Variants in VPS54 observed in about 807,000 individuals in gnomAD.
VPS54 encodes the protein VPS54 subunit of GARP complex, also known as vacuolar protein sorting-associated protein 54.
In VPS54, 45 loss-of-function variants were observed where a neutral mutation model predicts 121.5. The observed-to-expected ratio is 0.37, with a 90% CI of 0.29 to 0.47. The LOEUF (loss-of-function observed/expected upper bound fraction) is 0.47, where lower values mean the gene tolerates loss of function less well. VPS54 is among the 20% of genes least tolerant of loss of function. The probability of loss-of-function intolerance (pLI) is 0.99; values close to 1 mark genes in which losing one functional copy is unlikely to be tolerated. For missense variants in VPS54, 1,090 were observed against 1,131.4 expected, an observed-to-expected ratio of 0.96 and a Z score of 0.52; for synonymous variants, 371 against 385.8, an observed-to-expected ratio of 0.96 and a Z score of 0.45.
chr2:63,999,168 T>G (rs1482443377), intron 1 of VPS54, among the ~76,000 whole-genome samples: 1 of 152,150 alleles, frequency 6.6e-6, no homozygotes, highest in Non-Finnish European at 1.5e-5. Context: ...CAGGCTAGTC[T>G]TCAACTCCTG....
At chr2:63,976,090 T>A (rs185626840) in intron 3 of VPS54, among the ~76,000 whole-genome samples, 14 of 152,234 alleles carry the variant, frequency 9.2e-5, no homozygotes, top group East Asian at 1.9e-4. Flanking sequence ...GTTCTTTTTT[T>A]AAAAATAATG....
intron 5 of VPS54, among the ~76,000 whole-genome samples, chr2:63,968,591 C>A (rs745394704): frequency 2.6e-5 from 4 of 151,798 alleles, no homozygotes; most frequent in Admixed American, 6.6e-5. Flanking sequence ...TGGTGGCATG[C>A]GCCTGTAATC....
chr2:63,970,313 A>ATATATAGATATATATAGATATATATAG (rs1312969372), intron 4 of VPS54, among the ~76,000 whole-genome samples: 44 of 148,232 alleles, frequency 3.0e-4, no homozygotes, highest in South Asian at 8.4e-4. Flanking sequence ...AGATATAGAT[A>ATATATAGATATATATAGATATATATAG]AAACCCAGGC....
chr2:63,945,826 T>C (rs1011751551), intron 9 of VPS54, among the ~76,000 whole-genome samples: 2 of 152,176 alleles, frequency 1.3e-5, no homozygotes, highest in African/African-American at 2.4e-5. Flanking sequence ...TTGTGATACA[T>C]GCAACAGTTT....
intron 2 of VPS54, among the ~76,000 whole-genome samples, chr2:63,982,818 T>C (rs962293648): frequency 1.3e-5 from 2 of 152,194 alleles, no homozygotes; most frequent in African/African-American, 4.8e-5. Flanking sequence ...CATTAGTTTA[T>C]AGTATGAGAG....
At chr2:63,964,965 C>G (rs969126709) in intron 6 of VPS54, among the ~76,000 whole-genome samples, 4 of 152,154 alleles carry the variant, frequency 2.6e-5, no homozygotes, top group African/African-American at 2.4e-5. Flanking sequence ...TATTAAATGA[C>G]TTTCAAGGTG....
intron 4 of VPS54, 37 bp from the exon 5 acceptor site, chr2:63,969,028 T>C (rs747065588): frequency 3.0e-5 from 46 of 1,533,178 alleles, no homozygotes; most frequent in Non-Finnish European, 4.1e-5. Flanking sequence ...TTTTTAAAAC[T>C]TGTTTTCATT....
intron 19 of VPS54, 43 bp downstream of exon 19, chr2:63,912,497 T>C (rs112476657): frequency 1.2e-6 from 2 of 1,610,148 alleles, no homozygotes; most frequent in Non-Finnish European, 1.7e-6. Flanking sequence ...CAATTAAGGA[T>C]CTAAACTTAT....
intron 6 of VPS54, among the ~76,000 whole-genome samples, chr2:63,964,485 C>G (rs1675900528): frequency 6.6e-6 from 1 of 151,942 alleles, no homozygotes; most frequent in Non-Finnish European, 1.5e-5. Context: ...CTGTTTTTCT[C>G]TTTTTAAGGT....
intron 4 of VPS54, among the ~76,000 whole-genome samples, chr2:63,971,738 T>C (rs985696193): frequency 2.0e-5 from 3 of 152,206 alleles, no homozygotes; most frequent in Non-Finnish European, 4.4e-5. Context: ...TTTAAACTTA[T>C]TCAGGACAAC....
chr2:64,005,086 C>CTT (rs1559053926), intron 1 of VPS54, among the ~76,000 whole-genome samples: 1 of 76,602 alleles, frequency 1.3e-5, no homozygotes, highest in African/African-American at 5.8e-5. Context: ...TCTACTATTG[C>CTT]TTCTTTTTTT....
At chr2:63,933,155 T>C (rs1674292204) in intron 12 of VPS54, among the ~76,000 whole-genome samples, 1 of 152,194 alleles carries the variant, frequency 6.6e-6, no homozygotes, top group South Asian at 2.1e-4. Context: ...CTGGTAACTT[T>C]TCTGTAAATT....
intron 3 of VPS54, among the ~76,000 whole-genome samples, chr2:63,978,317 T>A (rs560956715): frequency 1.3e-5 from 2 of 152,198 alleles, no homozygotes; most frequent in Non-Finnish European, 2.9e-5. Flanking sequence ...AGTTACTCCA[T>A]GAAGGCTGGC....
intron 1 of VPS54, among the ~76,000 whole-genome samples, chr2:63,993,277 T>G (rs1395138094): frequency 1.3e-5 from 2 of 152,228 alleles, no homozygotes; most frequent in East Asian, 3.8e-4. Context: ...CTTTAGGCAT[T>G]CCGACCTATG....
intron 1 of VPS54, among the ~76,000 whole-genome samples, chr2:63,993,913 T>C (rs892034934): frequency 2.0e-5 from 3 of 152,220 alleles, no homozygotes; most frequent in South Asian, 2.1e-4. Context: ...CAGAGTTAAA[T>C]TGCTGTAATT....
intron 3 of VPS54, among the ~76,000 whole-genome samples, chr2:63,976,705 G>C (rs1020706117): frequency 6.6e-6 from 1 of 151,838 alleles, no homozygotes; most frequent in Non-Finnish European, 1.5e-5. Flanking sequence ...ATTTCACCTA[G>C]GCTATCAAAT....
At chr2:63,939,781 A>T (rs1462320814) in intron 11 of VPS54, among the ~76,000 whole-genome samples, 1 of 150,248 alleles carries the variant, frequency 6.7e-6, no homozygotes, top group Non-Finnish European at 1.5e-5. Context: ...TTTTTTTTTA[A>T]GACGGAGTCT....
intron 10 of VPS54, among the ~76,000 whole-genome samples, chr2:63,943,654 A>C (rs1674838315): frequency 6.6e-6 from 1 of 152,112 alleles, no homozygotes; most frequent in African/African-American, 2.4e-5. Context: ...CAAGAAATTC[A>C]GTCATAAAAT....
Position 63,893,264 on chromosome 2 carries a change from T to G in VPS54, c.*166A>C, listed in dbSNP as rs1455350784. On this transcript the variant is annotated 3_prime_UTR_variant, in exon 23 of 23. Transcript: ENST00000272322. Reference sequence around the variant, plus strand: ...GCACAAAAATGACATTCCTTGTAGATCCCACTGAATCCAGTTTCCCAACAC... The same window carrying G: ...GCACAAAAATGACATTCCTTGTAGAGCCCACTGAATCCAGTTTCCCAACAC... 9 of 729,320 alleles carry G rather than the reference T, an allele frequency of 1.2e-5. No homozygotes were observed. Among genetic ancestry groups the G allele is most frequent in the Non-Finnish European group, 1.8e-5 (7 of 399,020 alleles). The allele number at this position is 729,320 out of a possible 1,614,324, so 45.2% of individuals were successfully genotyped here. A position where few individuals can be genotyped will look rare whatever the true frequency, so the allele number is the denominator to read the frequency against.
Sources: allele counts gnomAD v4.1 joint callset (sites outside exome capture counted in the v4.1 genomes callset), GRCh38; gene constraint gnomAD v4.1.1; transcripts MANE v1.5; gene names NCBI Gene and HGNC (gene_info 2026-07-23, HGNC 2026-07-21).